The following PCDHGB1 variants were observed in gnomAD, a reference collection of about 807,000 sequenced individuals.
PCDHGB1 encodes the protein protocadherin gamma subfamily B, 1.
In PCDHGB1, 34 loss-of-function variants were observed where a neutral mutation model predicts 56.6. The ratio of observed to expected loss-of-function variants is 0.60; its 90% CI spans 0.46 to 0.80. The LOEUF (loss-of-function observed/expected upper bound fraction) is 0.80. PCDHGB1 is among the 30% of genes least tolerant of loss of function. PCDHGB1 has a pLI of 0.00. For missense variants in PCDHGB1, 1,278 were observed against 1,204.6 expected (o/e 1.06, Z -0.90); for synonymous variants, 561 against 505.9 (o/e 1.11, Z -1.46).
rs2099410057 is a variant in PCDHGB1, at chr5:141,477,370, G to C, written c.2410-17437G>C. The C allele has an allele frequency of 6.2e-7, 1 of 1,614,054 alleles. No homozygotes were observed. On this transcript the variant is annotated intron_variant, in intron 1 of 3. Coordinates refer to ENST00000523390, the MANE Select transcript of PCDHGB1 (RefSeq NM_018922.3). This position sits in a 1 kb window ranked among gnomAD's most constrained non-coding sequence, Gnocchi z 4.9. The stretch of plus-strand genomic sequence containing the variant: ...AAACCAGTGCAGACCTGGATCGGGA[G>C]ACTGTGCCAGAATACAACCTCAGCA...
rs753936459 is a variant in PCDHGB1 at position 141,501,288 on chromosome 5, TATAC to T, written c.2469-4103_2469-4100del. Among the ~76,000 whole-genome samples the T allele has an allele frequency of 4.5e-4, 37 of 81,322 alleles. No homozygotes were observed. The South Asian group carries it at 5.1e-3, about 11-fold the overall frequency. 53.4% of individuals were successfully genotyped at this position (81,322 alleles called of 152,430 possible). A position where few individuals can be genotyped will look rare whatever the true frequency, so the allele number is the denominator to read the frequency against. ...TAGTCCAGTCTATGGGATATTCCCT[TATAC>T]ACACACACACACACACACACACACA... On this transcript the variant is annotated intron_variant, in intron 2 of 3. Coordinates refer to ENST00000523390, the MANE Select transcript of PCDHGB1 (RefSeq NM_018922.3).
intron 1 of PCDHGB1, among the ~76,000 whole-genome samples, chr5:141,468,064 C>T (rs1026571562): frequency 3.3e-5 from 5 of 152,076 alleles, no homozygotes; most frequent in Non-Finnish European, 7.4e-5. Flanking sequence ...GTGGCTCACA[C>T]CTGTAATCCC....
chr5:141,460,097 G>A (rs2098982102), intron 1 of PCDHGB1, among the ~76,000 whole-genome samples: 2 of 151,812 alleles, frequency 1.3e-5, no homozygotes, highest in African/African-American at 2.4e-5. Context: ...AATTATACAT[G>A]TAATTATATA....
intron 2 of PCDHGB1, among the ~76,000 whole-genome samples, chr5:141,498,338 G>T (rs2237079): frequency 2.6e-5 from 4 of 151,600 alleles, no homozygotes; most frequent in Non-Finnish European, 5.9e-5. Flanking sequence ...CATTCCAAAT[G>T]GGAAAAGCCT....
chr5:141,355,458 C>T lies in PCDHGB1; in HGVS notation c.2409+2789C>T, dbSNP rs1759862433. The T allele has an allele frequency of 3.1e-6, 5 of 1,614,050 alleles. No individual in the cohort carries two copies. The South Asian group carries it at 5.5e-5, about 18-fold the overall frequency. ...ACCCGCGCAGCGGCACCTTGGTCAC[C>T]GCGGGTAGGATAGACAGGGAGGAGC... On this transcript the variant is annotated intron_variant, in intron 1 of 3. Coordinates refer to ENST00000523390, the MANE Select transcript of PCDHGB1 (RefSeq NM_018922.3).
Position 141,432,110 on chromosome 5 carries a change from G to A in PCDHGB1, c.2410-62697G>A. On this transcript the variant is annotated intron_variant, in intron 1 of 3. Coordinates refer to ENST00000523390, the MANE Select transcript of PCDHGB1 (RefSeq NM_018922.3). This position sits in a 1 kb window ranked among gnomAD's most constrained non-coding sequence, Gnocchi z 6.0. ...GGCAGACACCAACGACAACCCGCCG[G>A]TCTTCCCTCAGGCCTCCTATTCCGC... 6.2e-7 allele frequency: 1 copy of A among 1,614,108 alleles called. No individual in the cohort carries two copies. Among genetic ancestry groups the A allele is most frequent in the Non-Finnish European group, 8.5e-7 (1 of 1,180,036 alleles).
intron 1 of PCDHGB1, among the ~76,000 whole-genome samples, chr5:141,386,748 G>T (rs1033565005): frequency 6.6e-6 from 1 of 152,190 alleles, no homozygotes; most frequent in African/African-American, 2.4e-5. Flanking sequence ...TCCTATGGCA[G>T]AACTACGGTT....
chr5:141,490,288 G>T lies in PCDHGB1; in HGVS notation c.2410-4519G>T, dbSNP rs2099698282. 1.2e-6 allele frequency: 2 copies of T among 1,614,080 alleles called. No homozygotes were observed. Among genetic ancestry groups the T allele is most frequent in the South Asian group, 1.1e-5 (1 of 91,092 alleles). On this transcript the variant is annotated intron_variant, in intron 1 of 3. Transcript: ENST00000523390. This position sits in a 1 kb window ranked among gnomAD's most constrained non-coding sequence, Gnocchi z 5.4. ...GGATGTCAATGACAATGCCCCAGAG[G>T]TGCTATTGGCCTCTTTGGCCAACCC...
rs140459920 is a variant in PCDHGB1, at chr5:141,386,998, C to T, written c.2409+34329C>T. ...TGTGTTTTGAGGCTATGTATTATCCCCCTGATAACTTTGAAGATGAATGTT... is the reference window on the plus strand; with the variant it reads ...TGTGTTTTGAGGCTATGTATTATCCTCCTGATAACTTTGAAGATGAATGTT... On this transcript the variant is annotated intron_variant, in intron 1 of 3. Coordinates refer to ENST00000523390, the MANE Select transcript of PCDHGB1 (RefSeq NM_018922.3). Among the ~76,000 whole-genome samples, 1,144 of 152,176 alleles carry T rather than the reference C, an allele frequency of 7.5e-3. 3 individuals are homozygous for T. The highest frequency in any genetic ancestry group is 0.012 in the Non-Finnish European group (791 of 68,006).
chr5:141,375,281 A>G (rs1157577123), intron 1 of PCDHGB1: 3 of 1,613,848 alleles, frequency 1.9e-6, no homozygotes, highest in Admixed American at 3.3e-5. Context: ...ATCAGTTGGC[A>G]ATTATTATCG....
intron 1 of PCDHGB1, chr5:141,428,239 G>T (rs1183885220): frequency 3.0e-6 from 3 of 997,526 alleles, no homozygotes; most frequent in Non-Finnish European, 4.6e-6. Flanking sequence ...CCTGCAGGAG[G>T]CACTGCCAGA....
In PCDHGB1 at chr5:141,432,249, A is replaced by G; in HGVS notation, c.2410-62558A>G. The G allele has an allele frequency of 6.2e-7, 1 of 1,614,206 alleles. No individual in the cohort carries two copies. Among genetic ancestry groups the G allele is most frequent in the Non-Finnish European group, 8.5e-7 (1 of 1,180,044 alleles). On this transcript the variant is annotated intron_variant, in intron 1 of 3. Coordinates refer to ENST00000523390, the MANE Select transcript of PCDHGB1 (RefSeq NM_018922.3). The surrounding 1 kb of genome is among the most constrained non-coding windows in gnomAD (Gnocchi z 6.0). ...TATTCCCTGGCTGAGAACACCATCC[A>G]AGGGGCAAGCCTATCGTCCTACGTG...
chr5:141,488,193 T>C (rs1211647195), intron 1 of PCDHGB1, among the ~76,000 whole-genome samples: 1 of 152,122 alleles, frequency 6.6e-6, no homozygotes, highest in Non-Finnish European at 1.5e-5. Flanking sequence ...TTGGTCTGGG[T>C]CTTAGGACTC....
In PCDHGB1 at chr5:141,357,058, G is replaced by A. The variant is rs1167854077; in HGVS notation, c.2409+4389G>A. 1 of 1,613,998 alleles carries A rather than the reference G, an allele frequency of 6.2e-7. No homozygotes were observed. The highest frequency in any genetic ancestry group is 1.7e-5 in the Admixed American group (1 of 60,028). On this transcript the variant is annotated intron_variant, in intron 1 of 3. Transcript: ENST00000523390. ...CAGCGAGCCGGGACTATTTGCAGTGGGGCTGCACACAGGCGAGGTGCGCAC... is the reference window on the plus strand; with the variant it reads ...CAGCGAGCCGGGACTATTTGCAGTGAGGCTGCACACAGGCGAGGTGCGCAC...
At chr5:141,466,201 T>C (rs985163022) in intron 1 of PCDHGB1, among the ~76,000 whole-genome samples, 1 of 152,006 alleles carries the variant, frequency 6.6e-6, no homozygotes, top group African/African-American at 2.4e-5. Context: ...GACACAGCCT[T>C]GCTCTGTTAC....
intron 1 of PCDHGB1, chr5:141,409,788 C>T (rs1224847553): frequency 3.1e-6 from 5 of 1,612,138 alleles, no homozygotes; most frequent in Admixed American, 1.7e-5. Flanking sequence ...CGCGCCTTCG[C>T]GCTCACGCTG....
chr5:141,491,823 C>T lies in PCDHGB1; in HGVS notation c.2410-2984C>T, dbSNP rs1242708273. On this transcript the variant is annotated intron_variant, in intron 1 of 3. Transcript: ENST00000523390. The surrounding 1 kb of genome is among the most constrained non-coding windows in gnomAD (Gnocchi z 6.9). ...GCCGGCTTGGTCGCTGGCTGCGCTC[C>T]ACCCGATTCTCGGGATCATTGGACC... The T allele has an allele frequency of 2.7e-6, 4 of 1,479,038 alleles. No homozygotes were observed. Among genetic ancestry groups the T allele is most frequent in the Non-Finnish European group, 3.6e-6 (4 of 1,115,300 alleles). 91.6% of individuals were successfully genotyped at this position (1,479,038 alleles called of 1,614,324 possible).
Position 141,351,841 on chromosome 5 carries a change from A to C in PCDHGB1, c.1581A>C (p.Thr527=), listed in dbSNP as rs3749777. 1 of 1,612,968 alleles carries C rather than the reference A, an allele frequency of 6.2e-7. No homozygotes were observed. Among genetic ancestry groups the C allele is most frequent in the African/African-American group, 1.3e-5 (1 of 74,912 alleles). Residue 527 remains threonine, a synonymous_variant, in exon 1 of 4, where the codon ACA becomes ACC. Transcript: ENST00000523390. ...AGCAGCTGCGCGCCTTCGAGCTCACACTGCAGGCCAGGGACCAGGGCTCCC... is the reference window on the plus strand; with the variant it reads ...AGCAGCTGCGCGCCTTCGAGCTCACCCTGCAGGCCAGGGACCAGGGCTCCC... ...DHEQLRAFEL[T]LQARDQGSPA... is the part of the protein sequence containing the mutation.
rs118021618 is a variant in PCDHGB1, at chr5:141,382,926, C to T, written c.2409+30257C>T. On this transcript the variant is annotated intron_variant, in intron 1 of 3. Transcript: ENST00000523390. ...TGGCGGCTCAGCCGAGGGGCGGGGA[C>T]TACAGAGGATTCTTCCTGCTCTCCA... 1,227 of 1,577,740 alleles carry T rather than the reference C, an allele frequency of 7.8e-4. 19 individuals carry two copies. The East Asian group carries it at 0.025, about 33-fold the overall frequency.
Sources: allele counts gnomAD v4.1 joint callset (sites outside exome capture counted in the v4.1 genomes callset), GRCh38; gene constraint gnomAD v4.1.1; non-coding constraint Gnocchi (gnomAD v3.1); transcripts MANE v1.5; gene names NCBI Gene and HGNC (gene_info 2026-07-23, HGNC 2026-07-21).